Variants in EXOC4 observed in about 807,000 individuals in gnomAD.
EXOC4 encodes exocyst complex component 4, also known as SEC8-like 1.
In EXOC4, 71 loss-of-function variants were observed where a neutral mutation model predicts 107.2. That is an observed-to-expected ratio of 0.66 (90% CI 0.55 to 0.81). The LOEUF (loss-of-function observed/expected upper bound fraction) is 0.81, where lower values mean the gene tolerates loss of function less well. EXOC4 is among the 30% of genes least tolerant of loss of function. The pLI, the probability that EXOC4 is intolerant of heterozygous loss-of-function variation, is 0.00. For synonymous variants in EXOC4, 456 were observed against 441.2 expected (o/e 1.03, Z -0.42); for missense variants, 1,108 against 1,189.6 (o/e 0.93, Z 1.01).
chr7:133,996,861 T>TG (rs1331414897), intron 14 of EXOC4, among the ~76,000 whole-genome samples: 1 of 152,180 alleles, frequency 6.6e-6, no homozygotes, highest in Non-Finnish European at 1.5e-5. Context: ...GAAGAATGGG[T>TG]GAAGAACTGT....
intron 9 of EXOC4, among the ~76,000 whole-genome samples, chr7:133,614,740 A>T (rs1802148407): frequency 7.2e-6 from 1 of 139,646 alleles, no homozygotes; most frequent in African/African-American, 2.6e-5. Flanking sequence ...GCTTTTGAGG[A>T]TTTACAAGAG....
chr7:133,553,384 A>C lies in EXOC4; in HGVS notation c.1417+73246A>C, dbSNP rs115920318. Among the ~76,000 whole-genome samples the C allele has an allele frequency of 7.1e-3, 1,084 of 152,212 alleles. 18 individuals carry two copies. The highest frequency in any genetic ancestry group is 0.025 in the African/African-American group (1,025 of 41,534). ...TGAGTAGCCCTGAAATAATGTTCTAAATATGTTACTTTCCTTTTCAAGGCT... is the reference window on the plus strand; with the variant it reads ...TGAGTAGCCCTGAAATAATGTTCTACATATGTTACTTTCCTTTTCAAGGCT... On this transcript the variant is annotated intron_variant, in intron 9 of 17. Coordinates refer to ENST00000253861, the MANE Select transcript of EXOC4 (RefSeq NM_021807.4).
At chr7:133,384,123 A>G (rs1796675608) in intron 7 of EXOC4, among the ~76,000 whole-genome samples, 1 of 152,204 alleles carries the variant, frequency 6.6e-6, no homozygotes, top group Non-Finnish European at 1.5e-5. Context: ...CAGACGTAGC[A>G]AATGCCCAAA....
At chr7:133,352,896 C>T (rs1249642977) in intron 5 of EXOC4, among the ~76,000 whole-genome samples, 2 of 151,986 alleles carry the variant, frequency 1.3e-5, no homozygotes, top group African/African-American at 4.8e-5. Flanking sequence ...ACCAGTTTAA[C>T]TTCAATAAAA....
At chr7:133,332,352 C>T (rs959727591) in intron 5 of EXOC4, among the ~76,000 whole-genome samples, 10 of 152,058 alleles carry the variant, frequency 6.6e-5, no homozygotes, top group Admixed American at 2.0e-4. Context: ...ATTTGGAGGC[C>T]GGGCACAGTG....
chr7:133,378,572 T>C (rs1287073242), intron 7 of EXOC4, among the ~76,000 whole-genome samples: 5 of 151,862 alleles, frequency 3.3e-5, no homozygotes, highest in African/African-American at 1.2e-4. Flanking sequence ...AAGATGGGAG[T>C]AGGGTAAATG....
At chr7:133,492,739 T>G (rs1192108497) in intron 9 of EXOC4, among the ~76,000 whole-genome samples, 2 of 152,216 alleles carry the variant, frequency 1.3e-5, no homozygotes, top group African/African-American at 4.8e-5. Context: ...TATTCCTTGA[T>G]GTACCCTGTA....
At chr7:133,522,693 A>C (rs1423202887) in intron 9 of EXOC4, among the ~76,000 whole-genome samples, 1 of 152,186 alleles carries the variant, frequency 6.6e-6, no homozygotes, top group Admixed American at 6.5e-5. Flanking sequence ...TAGTATGGAA[A>C]AGAGAAAATT....
chr7:133,466,010 G>A (rs553136649), intron 7 of EXOC4, among the ~76,000 whole-genome samples: 8 of 151,910 alleles, frequency 5.3e-5, no homozygotes, highest in East Asian at 1.9e-4. Context: ...GGTGGTGGGC[G>A]TCTGTAATCC....
chr7:133,457,109 C>G (rs1208819691), intron 7 of EXOC4, among the ~76,000 whole-genome samples: 1 of 152,026 alleles, frequency 6.6e-6, no homozygotes, highest in Non-Finnish European at 1.5e-5. Context: ...TTGTGTTGGG[C>G]CTTGAAAGGT....
At chr7:133,447,862 C>T (rs1321010892) in intron 7 of EXOC4, among the ~76,000 whole-genome samples, 1 of 151,992 alleles carries the variant, frequency 6.6e-6, no homozygotes, top group East Asian at 1.9e-4. Context: ...TCAAGTCATT[C>T]AGTTTGAGTT....
intron 17 of EXOC4, among the ~76,000 whole-genome samples, chr7:134,035,917 T>C (rs1795377048): frequency 6.6e-6 from 1 of 152,284 alleles, no homozygotes; most frequent in African/African-American, 2.4e-5. Flanking sequence ...CTTCCTCCCA[T>C]GTCCTGTTGG....
intron 17 of EXOC4, among the ~76,000 whole-genome samples, chr7:134,019,466 A>G (rs1037204463): frequency 4.9e-5 from 7 of 142,840 alleles, no homozygotes; most frequent in African/African-American, 1.2e-4. Context: ...CAAGTATAAT[A>G]TGAGTAATTA....
At chr7:133,473,707 T>C (rs909843095) in intron 7 of EXOC4, among the ~76,000 whole-genome samples, 1 of 145,112 alleles carries the variant, frequency 6.9e-6, no homozygotes, top group African/African-American at 2.5e-5. Flanking sequence ...CTGGGTCTTG[T>C]TTTTTTTTTT....
chr7:133,848,326 G>T (rs1327088704), intron 11 of EXOC4, among the ~76,000 whole-genome samples: 1 of 152,122 alleles, frequency 6.6e-6, no homozygotes, highest in Non-Finnish European at 1.5e-5. Context: ...CAGTCAATGA[G>T]GTGATGGGTA....
intron 11 of EXOC4, among the ~76,000 whole-genome samples, chr7:133,825,106 T>A (rs569521219): frequency 6.6e-6 from 1 of 151,852 alleles, no homozygotes; most frequent in South Asian, 2.1e-4. Context: ...TCTCAATACT[T>A]TGGGAGGCCA....
intron 14 of EXOC4, among the ~76,000 whole-genome samples, chr7:133,975,747 A>G (rs764747014): frequency 2.1e-3 from 29 of 14,132 alleles, no homozygotes; most frequent in Admixed American, 0.016. Context: ...ATGCGTGTGC[A>G]CACACACACA....
chr7:133,530,300 G>A (rs1187513977), intron 9 of EXOC4, among the ~76,000 whole-genome samples: 1 of 152,170 alleles, frequency 6.6e-6, no homozygotes, highest in African/African-American at 2.4e-5. Flanking sequence ...CTTAATGATG[G>A]AGACACACTC....
In EXOC4 at chr7:133,874,782, C is replaced by T. The variant is rs992889001; in HGVS notation, c.1735-20817C>T. Among the ~76,000 whole-genome samples, 3 of 152,314 alleles carry T rather than the reference C, an allele frequency of 2.0e-5. 1 individual carries two copies. The South Asian group carries it at 6.2e-4, about 32-fold the overall frequency. On this transcript the variant is annotated intron_variant, in intron 11 of 17. Coordinates refer to ENST00000253861, the MANE Select transcript of EXOC4 (RefSeq NM_021807.4). The stretch of plus-strand genomic sequence containing the variant: ...TCCTCCTCTGACATGTTGATTGATA[C>T]ATTTGTATCTCTTTCCTAATGAATC...
Sources: gnomAD v4.1 joint callset for allele counts (sites outside exome capture counted in the v4.1 genomes callset) on GRCh38, gnomAD v4.1.1 for gene constraint, MANE v1.5 for transcripts, NCBI Gene and HGNC (gene_info 2026-07-23, HGNC 2026-07-21) for gene names.